Variants in SYT1 observed in about 807,000 individuals in gnomAD.
The protein encoded by SYT1 is synaptotagmin-1.
A neutral mutation model predicts 44.8 loss-of-function variants in SYT1; 8 were observed. That is an observed-to-expected ratio of 0.18 (90% CI 0.10 to 0.32). The LOEUF (loss-of-function observed/expected upper bound fraction) is 0.32. SYT1 is among the 10% of genes least tolerant of loss of function. The pLI is 1.00. For missense variants in SYT1, 286 were observed against 509.3 expected, an observed-to-expected ratio of 0.56 and a Z score of 4.22; for synonymous variants, 154 against 188.8, an observed-to-expected ratio of 0.82 and a Z score of 1.51.
chr12:79,385,769 G>A (rs951638867), intron 9 of SYT1, among the ~76,000 whole-genome samples: 2 of 152,070 alleles, frequency 1.3e-5, no homozygotes, highest in African/African-American at 4.8e-5. Context: ...AGGAAAATGT[G>A]TTGTATATGA....
At chr12:79,374,042 C>T (rs890963458) in intron 9 of SYT1, among the ~76,000 whole-genome samples, 23 of 152,154 alleles carry the variant, frequency 1.5e-4, no homozygotes, top group African/African-American at 5.3e-4. Flanking sequence ...ATGCTAACAG[C>T]AAATAAAGTG....
intron 9 of SYT1, among the ~76,000 whole-genome samples, chr12:79,395,444 C>G (rs1884830256): frequency 6.6e-6 from 1 of 152,188 alleles, no homozygotes; most frequent in Admixed American, 6.5e-5. Context: ...GTCTTGAACT[C>G]CTGACCTCAA....
At chr12:79,097,020 C>T (rs1022739433) in intron 3 of SYT1, among the ~76,000 whole-genome samples, 5 of 151,884 alleles carry the variant, frequency 3.3e-5, no homozygotes, top group Admixed American at 6.6e-5. Context: ...CAATCAAGTA[C>T]GGAAGAGACA....
chr12:79,305,706 C>T (rs1055192344), intron 8 of SYT1, among the ~76,000 whole-genome samples: 4 of 152,088 alleles, frequency 2.6e-5, no homozygotes, highest in Non-Finnish European at 5.9e-5. Flanking sequence ...CTACACTTGC[C>T]ATTTTTTGAG....
At chr12:79,146,822 T>C (rs1475357572) in intron 3 of SYT1, among the ~76,000 whole-genome samples, 3 of 152,130 alleles carry the variant, frequency 2.0e-5, no homozygotes, top group Non-Finnish European at 4.4e-5. Flanking sequence ...GTAAAGGAGA[T>C]AAAAGGCTAA....
chr12:79,054,870 C>G (rs1187949353), intron 3 of SYT1, among the ~76,000 whole-genome samples: 2 of 151,822 alleles, frequency 1.3e-5, no homozygotes, highest in African/African-American at 4.8e-5. Flanking sequence ...TCAAATGATT[C>G]AGTGTTTTGT....
chr12:78,885,364 G>C (rs1874686524), intron 1 of SYT1, among the ~76,000 whole-genome samples: 1 of 148,864 alleles, frequency 6.7e-6, no homozygotes, highest in African/African-American at 2.5e-5. Context: ...ACGAAGGAAG[G>C]AAGGAAGGGA....
intron 9 of SYT1, among the ~76,000 whole-genome samples, chr12:79,389,971 T>G (rs909682393): frequency 6.6e-6 from 1 of 151,956 alleles, no homozygotes; most frequent in Non-Finnish European, 1.5e-5. Flanking sequence ...CTTGCTCTGT[T>G]GCCCAGGCTG....
At chr12:78,895,995 CTG>C (rs1469909320) in intron 1 of SYT1, among the ~76,000 whole-genome samples, 1 of 151,748 alleles carries the variant, frequency 6.6e-6, no homozygotes, top group African/African-American at 2.4e-5. Flanking sequence ...CAAATGTAAA[CTG>C]AGAATAATTA....
intron 1 of SYT1, among the ~76,000 whole-genome samples, chr12:78,884,987 A>C (rs10861085): frequency 0.55 from 83,383 of 151,540 alleles, 23,109 homozygotes; most frequent in African/African-American, 0.58. Context: ...GAACTATTAT[A>C]ATGCTTATTT....
Position 79,449,245 on chromosome 12 carries a change from G to T in SYT1, c.*121G>T. Reference sequence around the variant, plus strand: ...CATGCATTCCTAACACAATTCAGTGGTACTTGGAATCCTGTTTTAATTTGC... The same window carrying T: ...CATGCATTCCTAACACAATTCAGTGTTACTTGGAATCCTGTTTTAATTTGC... On this transcript the variant is annotated 3_prime_UTR_variant, in exon 11 of 11. Transcript: ENST00000261205. The T allele has an allele frequency of 1.9e-6, 2 of 1,058,400 alleles. No individual in the cohort carries two copies. Among genetic ancestry groups the T allele is most frequent in the Middle Eastern group, 3.1e-4 (1 of 3,178 alleles). 65.6% of individuals were successfully genotyped at this position (1,058,400 alleles called of 1,614,324 possible). A position where few individuals can be genotyped will look rare whatever the true frequency, so the allele number is the denominator to read the frequency against.
chr12:78,946,774 AGTAAATCT>A (rs2137275740), intron 1 of SYT1, among the ~76,000 whole-genome samples: 2 of 152,296 alleles, frequency 1.3e-5, no homozygotes, highest in African/African-American at 4.8e-5. Flanking sequence ...CACTAAACTC[AGTAAATCT>A]ATAGTGCCTA....
In SYT1 at chr12:79,217,524, T is replaced by C. The variant is rs773799671; in HGVS notation, c.5T>C (p.Val2Ala). M[V>A]SESHHEALAA... ...ACAGCTTCACCTGAACCTAAAATGG[T>C]GAGCGAGAGTCACCATGAGGCCCTG... The change falls in exon 4 of 11, where the codon GTG becomes GCG. Residue 2 changes from valine to alanine, a missense_variant. Physicochemically the swap from Val to Ala is moderately conservative, Grantham distance 64 (BLOSUM62 0). Transcript: ENST00000261205. 3.8e-6 allele frequency: 6 copies of C among 1,586,838 alleles called. No individual in the cohort carries two copies. The Admixed American group carries it at 1.1e-4, about 29-fold the overall frequency.
chr12:79,343,865 TGAAGATAA>T (rs1383580990), intron 8 of SYT1, among the ~76,000 whole-genome samples: 1 of 152,112 alleles, frequency 6.6e-6, no homozygotes, highest in Non-Finnish European at 1.5e-5. Context: ...AAATCTGCAA[TGAAGATAA>T]CTAAAGAAGA....
intron 1 of SYT1, among the ~76,000 whole-genome samples, chr12:78,953,088 A>G (rs746851523): frequency 6.6e-5 from 10 of 152,110 alleles, no homozygotes; most frequent in Non-Finnish European, 1.5e-4. Context: ...TCATCACTGT[A>G]TTCTAGCCTT....
intron 9 of SYT1, among the ~76,000 whole-genome samples, chr12:79,394,233 A>G (rs1884782808): frequency 6.6e-6 from 1 of 152,246 alleles, no homozygotes; most frequent in Non-Finnish European, 1.5e-5. Flanking sequence ...TGCTAGGGGT[A>G]TGTAGCCGGG....
At chr12:79,306,407 A>T (rs1284789779) in intron 8 of SYT1, among the ~76,000 whole-genome samples, 1 of 152,192 alleles carries the variant, frequency 6.6e-6, no homozygotes, top group Admixed American at 6.5e-5. Context: ...GGTAAATCTC[A>T]TTGAAATGGC....
At chr12:78,981,839 G>A (rs1175605473) in intron 2 of SYT1, among the ~76,000 whole-genome samples, 2 of 152,214 alleles carry the variant, frequency 1.3e-5, no homozygotes, top group Non-Finnish European at 2.9e-5. Flanking sequence ...ATATTTTGTT[G>A]TATTTGAATT....
At chr12:79,325,558 T>G (rs1386292911) in intron 8 of SYT1, among the ~76,000 whole-genome samples, 1 of 152,200 alleles carries the variant, frequency 6.6e-6, no homozygotes, top group Non-Finnish European at 1.5e-5. Flanking sequence ...ATTCAAAAAT[T>G]TATATAAAAT....
Sources: gnomAD v4.1 joint callset for allele counts (sites outside exome capture counted in the v4.1 genomes callset) on GRCh38, gnomAD v4.1.1 for gene constraint, MANE v1.5 for transcripts, NCBI Gene and HGNC (gene_info 2026-07-23, HGNC 2026-07-21) for gene names.